Variants in FREM2 observed in about 807,000 individuals in gnomAD.
FREM2 encodes FRAS1-related extracellular matrix protein 2.
FREM2 carries 119 observed loss-of-function variants against 219.9 expected under a neutral mutation model. The observed-to-expected ratio is 0.54, with a 90% CI of 0.47 to 0.63. The LOEUF is 0.63. Among genes scored for constraint, FREM2 ranks in the 30% least tolerant of loss-of-function variants. FREM2 has a pLI of 0.00. For missense variants in FREM2, 4,030 were observed against 3,993.6 expected (o/e 1.01, Z -0.25); for synonymous variants, 1,562 against 1,522.8 (o/e 1.03, Z -0.60).
chr13:38,711,566 G>T (rs1234019541), intron 2 of FREM2, among the ~76,000 whole-genome samples: 2 of 152,154 alleles, frequency 1.3e-5, no homozygotes, highest in Non-Finnish European at 2.9e-5. Flanking sequence ...TAGAATTATG[G>T]ATACCATATA....
intron 2 of FREM2, among the ~76,000 whole-genome samples, chr13:38,748,643 A>T (rs1872578306): frequency 6.6e-6 from 1 of 152,220 alleles, no homozygotes; most frequent in African/African-American, 2.4e-5. Flanking sequence ...GCATATTCAC[A>T]TATTAAAGAC....
rs113679598 is a variant in FREM2, at chr13:38,872,463, C to CTAAAG, written c.7984-278_7984-274dup. On this transcript the variant is annotated intron_variant, in intron 16 of 23. Transcript: ENST00000280481. Reference sequence around the variant, plus strand: ...TGTAAACTATCTTCATAAAACTGCTCTAAAGAGGATTTTGTAAGTATAGTA... The same window carrying CTAAAG: ...TGTAAACTATCTTCATAAAACTGCTCTAAAGTAAAGAGGATTTTGTAAGTATAGTA... Among the ~76,000 whole-genome samples, 29,445 of 151,894 alleles carry CTAAAG rather than the reference C, an allele frequency of 0.19. 3,406 individuals are homozygous for CTAAAG. The highest frequency in any genetic ancestry group is 0.3 in the African/African-American group (12,511 of 41,346).
intron 2 of FREM2, among the ~76,000 whole-genome samples, chr13:38,758,331 T>A (rs1873095101): frequency 6.6e-6 from 1 of 152,206 alleles, no homozygotes; most frequent in African/African-American, 2.4e-5. Context: ...CGCCTTCCCC[T>A]CCATCTCTCT....
chr13:38,687,999 G>A lies in FREM2; in HGVS notation c.655G>A (p.Gly219Ser), dbSNP rs761753693. 2 of 1,612,538 alleles carry A rather than the reference G, an allele frequency of 1.2e-6. No individual in the cohort carries two copies. Among genetic ancestry groups the A allele is most frequent in the African/African-American group, 1.3e-5 (1 of 75,052 alleles). ...FQPETEECRV[G>S]ILSGLGALPR... Reference sequence around the variant, plus strand: ...GCCCGAGACAGAGGAGTGCCGCGTGGGCATCCTGTCCGGCTTGGGCGCGCT... The same window carrying A: ...GCCCGAGACAGAGGAGTGCCGCGTGAGCATCCTGTCCGGCTTGGGCGCGCT... The change falls in exon 1 of 24, where the codon GGC (glycine) becomes AGC (serine). Residue 219 changes from glycine to serine, a missense_variant. Coordinates refer to ENST00000280481, the MANE Select transcript of FREM2 (RefSeq NM_207361.6).
In FREM2 at chr13:38,813,464, TTCTCTCTCTCTCTCTCTC is replaced by T. The variant is rs1170570605; in HGVS notation, c.6019+28693_6019+28710del. 9.1e-4 allele frequency among the ~76,000 whole-genome samples: 55 copies of T among 60,450 alleles called. 1 individual carries two copies. The highest frequency in any genetic ancestry group is 3.6e-3 in the African/African-American group (51 of 14,004). 39.7% of individuals were successfully genotyped at this position (60,450 alleles called of 152,430 possible). On this transcript the variant is annotated intron_variant, in intron 6 of 23. Transcript: ENST00000280481. ...GCAGCTTTATTATATGTTATTTGTT[TTCTCTCTCTCTCTCTCTC>T]TCTCTCTCTCTCTCTCTCTCTCTCT...
At chr13:38,818,351 A>G (rs1049391784) in intron 6 of FREM2, among the ~76,000 whole-genome samples, 1 of 152,118 alleles carries the variant, frequency 6.6e-6, no homozygotes, top group Admixed American at 6.6e-5. Context: ...CTATACAGTC[A>G]TAAAACATAA....
chr13:38,742,956 A>G (rs972619434), intron 2 of FREM2, among the ~76,000 whole-genome samples: 2 of 152,236 alleles, frequency 1.3e-5, no homozygotes, highest in East Asian at 3.8e-4. Flanking sequence ...TAGGCATTGA[A>G]CTAGGACAAT....
In FREM2 at chr13:38,688,919, C is replaced by G. The variant is rs770296878; in HGVS notation, c.1575C>G (p.Asp525Glu). 1 of 1,612,344 alleles carries G rather than the reference C, an allele frequency of 6.2e-7. No homozygotes were observed. Among genetic ancestry groups the G allele is most frequent in the African/African-American group, 1.3e-5 (1 of 74,998 alleles). Residue 525 changes from aspartate to glutamate, a missense_variant, in exon 1 of 24, where the codon GAC becomes GAG. Around this residue, in one of 2 missense-constraint regions of FREM2, gnomAD observed 3,102 missense variants for 2,950.7 expected, o/e 1.05. Transcript: ENST00000280481. ...TGGTCTACCAGCATGATGACAGAGA[C>G]GGCTCGCTGAGCGACAACCTGGTGC... ...GQVVYQHDDR[D>E]GSLSDNLVLR...
chr13:38,882,737 C>T lies in FREM2; in HGVS notation c.*1950C>T, dbSNP rs888810477. On this transcript the variant is annotated 3_prime_UTR_variant, in exon 24 of 24. Coordinates refer to ENST00000280481, the MANE Select transcript of FREM2 (RefSeq NM_207361.6). ...TGCTTAGCTACTTCTTTGGCTACCT[C>T]ATAATTTGTATGGGAATGAACATGA... 6.6e-6 allele frequency: 1 copy of T among 152,146 alleles called. No individual in the cohort carries two copies. Among genetic ancestry groups the T allele is most frequent in the Non-Finnish European group, 1.5e-5 (1 of 68,030 alleles). The allele number at this position is 152,146 out of a possible 1,614,324, so 9.4% of individuals were successfully genotyped here.
chr13:38,706,444 T>G (rs1265878075), intron 2 of FREM2, among the ~76,000 whole-genome samples: 1 of 152,190 alleles, frequency 6.6e-6, no homozygotes, highest in African/African-American at 2.4e-5. Context: ...AAATGTACCT[T>G]TGAGAAAACT....
intron 6 of FREM2, among the ~76,000 whole-genome samples, chr13:38,838,067 C>T (rs929856332): frequency 6.6e-6 from 1 of 152,066 alleles, no homozygotes; most frequent in Non-Finnish European, 1.5e-5. Flanking sequence ...ATAGTCTTTA[C>T]ATTTTGGTTT....
At chr13:38,799,772 T>C (rs1874938449) in intron 6 of FREM2, among the ~76,000 whole-genome samples, 1 of 152,110 alleles carries the variant, frequency 6.6e-6, no homozygotes, top group South Asian at 2.1e-4. Flanking sequence ...CTGTTTTACC[T>C]AATATAAGTA....
intron 2 of FREM2, among the ~76,000 whole-genome samples, chr13:38,753,750 AATTCCTT>A (rs1872870897): frequency 6.6e-6 from 1 of 152,176 alleles, no homozygotes; most frequent in African/African-American, 2.4e-5. Flanking sequence ...TGTACACCTG[AATTCCTT>A]ATCCTAGGCA....
chr13:38,870,672 T>C (rs1593455941), intron 16 of FREM2, among the ~76,000 whole-genome samples: 1 of 152,282 alleles, frequency 6.6e-6, no homozygotes, highest in East Asian at 1.9e-4. Context: ...GACCTAGCCA[T>C]GGGTACTAAG....
At chr13:38,699,466 T>C (rs995781303) in intron 2 of FREM2, among the ~76,000 whole-genome samples, 2 of 152,150 alleles carry the variant, frequency 1.3e-5, no homozygotes, top group Admixed American at 1.3e-4. Flanking sequence ...AATGACTAGC[T>C]GAAGGGGCTC....
intron 2 of FREM2, among the ~76,000 whole-genome samples, chr13:38,702,100 C>T (rs180801856): frequency 3.0e-3 from 452 of 152,198 alleles, no homozygotes; most frequent in African/African-American, 0.01. Flanking sequence ...TCCTTTAGAA[C>T]GTTGTTCTAT....
intron 4 of FREM2, among the ~76,000 whole-genome samples, chr13:38,772,863 AT>A: frequency 6.6e-6 from 1 of 151,672 alleles, no homozygotes; most frequent in Non-Finnish European, 1.5e-5. Flanking sequence ...CGCCCGGCTA[AT>A]TTTTGTATTT....
intron 2 of FREM2, among the ~76,000 whole-genome samples, chr13:38,763,680 A>T (rs1873325295): frequency 6.6e-6 from 1 of 152,030 alleles, no homozygotes; most frequent in South Asian, 2.1e-4. Flanking sequence ...TTTTCTGCTG[A>T]TAGGCAGCCC....
At chr13:38,848,433 A>T in intron 7 of FREM2, 28 bp from the exon 8 acceptor site, 1 of 1,516,538 alleles carries the variant, frequency 6.6e-7, no homozygotes, top group Non-Finnish European at 9.2e-7. Context: ...TTAGTCCCCA[A>T]CTGAATATTT....
Sources: gnomAD v4.1 joint callset for allele counts (sites outside exome capture counted in the v4.1 genomes callset) on GRCh38, gnomAD v4.1.1 for gene constraint, gnomAD v4.1.1 regional missense constraint, MANE v1.5 for transcripts, NCBI Gene and HGNC (gene_info 2026-07-23, HGNC 2026-07-21) for gene names.